BCAN: variants seen among roughly 807,000 people sequenced by gnomAD.
The protein encoded by BCAN is brevican.
BCAN carries 51 observed loss-of-function variants against 92.4 expected under a neutral mutation model. The ratio of observed to expected loss-of-function variants is 0.55; its 90% CI spans 0.44 to 0.70. The LOEUF is 0.70. Among genes scored for constraint, BCAN ranks in the 30% least tolerant of loss-of-function variants. BCAN has a pLI of 0.00. For synonymous variants in BCAN, 501 were observed against 505.2 expected, an observed-to-expected ratio of 0.99 and a Z score of 0.11; for missense variants, 1,140 against 1,212.1, an observed-to-expected ratio of 0.94 and a Z score of 0.88.
At chr1:156,646,772 A>G in intron 2 of BCAN, 29 bp from the exon 3 acceptor site, 1 of 1,518,618 alleles carries the variant, frequency 6.6e-7, no homozygotes, top group Non-Finnish European at 8.8e-7. Flanking sequence ...CGACAGCGTT[A>G]AGTTCCAGCC....
At position 156,650,879 on chromosome 1, in the gene BCAN, G is replaced by T. The variant is rs527255403; in HGVS notation, c.1064-577G>T. ...AACCGCTTGAATCCAGGAGGCGAAG[G>T]TTGCAATGAGCTGGGATCGTGCCAC... On this transcript the variant is annotated intron_variant, in intron 6 of 13. Transcript: ENST00000329117. Among the ~76,000 whole-genome samples, 15 of 152,324 alleles carry T rather than the reference G, an allele frequency of 9.8e-5. 1 individual carries two copies. In the South Asian group the frequency reaches 2.9e-3, roughly 29 times the overall value.
chr1:156,653,221 A>G lies in BCAN; in HGVS notation c.1942+329A>G, dbSNP rs150114467. 1.2e-4 allele frequency: 157 copies of G among 1,284,742 alleles called. No homozygotes were observed. In the East Asian group the frequency reaches 4.8e-3, roughly 39 times the overall value. 79.6% of individuals were successfully genotyped at this position (1,284,742 alleles called of 1,614,324 possible). On this transcript the variant is annotated intron_variant, in intron 8 of 13. Coordinates refer to ENST00000329117, the MANE Select transcript of BCAN (RefSeq NM_021948.5). ...TCAGGCCTCTCCAAGGGTCCTCATC[A>G]CCTATTGCAGCCTTCAGGGCTCGGC...
chr1:156,645,608 C>T (rs1678935114), intron 1 of BCAN, among the ~76,000 whole-genome samples: 1 of 152,094 alleles, frequency 6.6e-6, no homozygotes, highest in African/African-American at 2.4e-5. Flanking sequence ...AGGAGTCTGG[C>T]ACTGGGAGGA....
At chr1:156,645,655 C>G (rs1678937687) in intron 1 of BCAN, among the ~76,000 whole-genome samples, 1 of 152,172 alleles carries the variant, frequency 6.6e-6, no homozygotes, top group Non-Finnish European at 1.5e-5. Flanking sequence ...ACCCACCATT[C>G]ATGCTGTAAA....
chr1:156,652,175 T>C (rs893523564), intron 7 of BCAN, 73 bp from the exon 8 acceptor site: 38 of 1,517,746 alleles, frequency 2.5e-5, no homozygotes, highest in Non-Finnish European at 3.3e-5. Flanking sequence ...CCTACTTTTC[T>C]CCCCTTCCCT....
chr1:156,645,264 C>G lies in BCAN; in HGVS notation c.-8-783C>G, dbSNP rs558096034. Among the ~76,000 whole-genome samples, 11 of 152,156 alleles carry G rather than the reference C, an allele frequency of 7.2e-5. No individual in the cohort carries two copies. In the East Asian group the frequency reaches 1.9e-3, roughly 27 times the overall value. On this transcript the variant is annotated intron_variant, in intron 1 of 13. Transcript: ENST00000329117. The stretch of plus-strand genomic sequence containing the variant: ...TGGATAGAGGCCAGACTGGCAGAGA[C>G]AGGGGCTTTGTCCCAACTGATTTCT...
intron 8 of BCAN, 162 bp downstream of exon 8, chr1:156,653,054 C>T (rs2102567452): frequency 1.3e-6 from 2 of 1,491,020 alleles, no homozygotes; most frequent in Non-Finnish European, 1.8e-6. Context: ...GGTCTCCAAT[C>T]TCGGATATCC....
rs1030557348 is a variant in BCAN, at chr1:156,648,198, A to G, written c.769+88A>G. 5 of 1,525,392 alleles carry G rather than the reference A, an allele frequency of 3.3e-6. No individual in the cohort carries two copies. In the Admixed American group the frequency reaches 8.8e-5, roughly 27 times the overall value. The allele number at this position is 1,525,392 out of a possible 1,614,324, so 94.5% of individuals were successfully genotyped here. ...CCCGGGGCCTCTGCAGGACCTTACT[A>G]TCCCTCCTGAGTTTAAGGGGGCAAG... On this transcript the variant is annotated intron_variant, in intron 5 of 13. Transcript: ENST00000329117.
In BCAN at chr1:156,658,474, TCCCCA is replaced by T; in HGVS notation, c.2438-68_2438-64del. ...GTCATGTTGTGGCCCATTTTTCTCT[TCCCCA>T]TGGAGATTCTGGGAACTGTCACCCA... On this transcript the variant is annotated intron_variant, in intron 12 of 13. Coordinates refer to ENST00000329117, the MANE Select transcript of BCAN (RefSeq NM_021948.5). This position sits in a 1 kb window ranked among gnomAD's most constrained non-coding sequence, Gnocchi z 4.4. 2 of 1,553,798 alleles carry T rather than the reference TCCCCA, an allele frequency of 1.3e-6. No individual in the cohort carries two copies. The highest frequency in any genetic ancestry group is 3.7e-5 in the Admixed American group (2 of 54,628).
At chr1:156,653,233 C>T (rs1679235875) in intron 8 of BCAN, 9 of 1,252,112 alleles carry the variant, frequency 7.2e-6, no homozygotes, top group Non-Finnish European at 9.0e-6. Flanking sequence ...CTATTGCAGC[C>T]TTCAGGGCTC....
At chr1:156,653,896 A>G (rs975634649) in intron 8 of BCAN, among the ~76,000 whole-genome samples, 2 of 152,146 alleles carry the variant, frequency 1.3e-5, no homozygotes, top group African/African-American at 4.8e-5. Flanking sequence ...CAAGGGTCAT[A>G]GTAACTGAGG....
chr1:156,657,754 C>T lies in BCAN; in HGVS notation c.2289C>T (p.Pro763=). The T allele has an allele frequency of 1.9e-6, 3 of 1,610,068 alleles. No homozygotes were observed. Among genetic ancestry groups the T allele is most frequent in the African/African-American group, 2.7e-5 (2 of 74,660 alleles). ...ACTTCTTGTGGTCGGATGGCGTCCC[C>T]CTGGTGAGAGGCCCCAGTCGAACCC... ...EGDFLWSDGV[P]LLYENWNPGQ... is the part of the protein sequence containing the mutation. The change falls in exon 11 of 14, where the codon CCC becomes CCT. Residue 763 remains proline (P), a synonymous_variant. Coordinates refer to ENST00000329117, the MANE Select transcript of BCAN (RefSeq NM_021948.5).
At chr1:156,650,267 A>G (rs1679117819) in intron 6 of BCAN, among the ~76,000 whole-genome samples, 1 of 151,816 alleles carries the variant, frequency 6.6e-6, no homozygotes, top group African/African-American at 2.4e-5. Context: ...GGGGAGGGGG[A>G]ATATGACTAC....
rs1679032908 is a variant in BCAN, at chr1:156,647,745, G to A, written c.641+63G>A. 2.6e-6 allele frequency: 4 copies of A among 1,553,918 alleles called. No homozygotes were observed. The highest frequency in any genetic ancestry group is 3.5e-6 in the Non-Finnish European group (4 of 1,144,810). On this transcript the variant is annotated intron_variant, in intron 4 of 13. Transcript: ENST00000329117. The surrounding 1 kb of genome is among the most constrained non-coding windows in gnomAD (Gnocchi z 4.8). The stretch of plus-strand genomic sequence containing the variant: ...CTGAGGTGGCCATGGCCCCCCTTCT[G>A]CTGGGTGCTGCCTGCTGTGTCAGGC...
intron 9 of BCAN, chr1:156,656,650 C>T: frequency 1.9e-6 from 1 of 513,270 alleles, no homozygotes; most frequent in East Asian, 3.0e-5. Context: ...TGACAGGCTC[C>T]ATTCTCCTGG....
intron 2 of BCAN, 125 bp downstream of exon 2, chr1:156,646,270 C>T: frequency 1.1e-6 from 1 of 887,082 alleles, no homozygotes; most frequent in Non-Finnish European, 1.7e-6. Flanking sequence ...GGCTGGAACA[C>T]TTGGAAATAA....
At chr1:156,654,210 T>A (rs1332760342) in intron 8 of BCAN, among the ~76,000 whole-genome samples, 2 of 152,206 alleles carry the variant, frequency 1.3e-5, no homozygotes, top group Non-Finnish European at 2.9e-5. Flanking sequence ...AAGCCCTCTC[T>A]ACTCAGGAAG....
chr1:156,648,644 A>C lies in BCAN; in HGVS notation c.846A>C (p.Ala282=), dbSNP rs778509978. ...GGGCGTACTGCCAGGAGCGGGGTGC[A>C]GAGATTGCCACCACGGGCCAACTGT... The part of the protein sequence containing the change: ...EARAYCQERG[A]EIATTGQLYA... Residue 282 remains alanine, a synonymous_variant, in exon 6 of 14, where the codon GCA becomes GCC. Coordinates refer to ENST00000329117, the MANE Select transcript of BCAN (RefSeq NM_021948.5). 5 of 1,612,952 alleles carry C rather than the reference A, an allele frequency of 3.1e-6. No homozygotes were observed. The highest frequency in any genetic ancestry group is 2.5e-6 in the Non-Finnish European group (3 of 1,179,040).
chr1:156,658,119 TC>T lies in BCAN; in HGVS notation c.2293-3del. On this transcript the variant is annotated splice_polypyrimidine_tract_variant and splice_region_variant and intron_variant, in intron 11 of 13. Coordinates refer to ENST00000329117, the MANE Select transcript of BCAN (RefSeq NM_021948.5). The surrounding 1 kb of genome is among the most constrained non-coding windows in gnomAD (Gnocchi z 4.4). ...AGGAGCTCCTCACCACCTCCTCCGTTCCCCCAGCTCTATGAGAACTGGAACC... is the reference window on the plus strand; with the variant it reads ...AGGAGCTCCTCACCACCTCCTCCGTTCCCCAGCTCTATGAGAACTGGAACC... The T allele has an allele frequency of 6.2e-7, 1 of 1,612,820 alleles. No individual in the cohort carries two copies. Among genetic ancestry groups the T allele is most frequent in the East Asian group, 2.2e-5 (1 of 44,848 alleles).
Sources: allele counts gnomAD v4.1 joint callset (sites outside exome capture counted in the v4.1 genomes callset), GRCh38; gene constraint gnomAD v4.1.1; non-coding constraint Gnocchi (gnomAD v3.1); transcripts MANE v1.5; gene names NCBI Gene and HGNC (gene_info 2026-07-23, HGNC 2026-07-21).